The following CACNA1C variants were observed in gnomAD, a reference collection of about 807,000 sequenced individuals.
CACNA1C encodes the protein voltage-dependent L-type calcium channel subunit alpha-1C.
In CACNA1C, 30 loss-of-function variants were observed where a neutral mutation model predicts 229.0. The observed-to-expected ratio is 0.13, with a 90% CI of 0.10 to 0.18. The LOEUF is 0.18. Among genes scored for constraint, CACNA1C ranks in the 10% least tolerant of loss-of-function variants. The probability of loss-of-function intolerance (pLI) is 1.00; values close to 1 mark genes in which losing one functional copy is unlikely to be tolerated. For synonymous variants in CACNA1C, 1,114 were observed against 1,132.5 expected, an observed-to-expected ratio of 0.98 and a Z score of 0.33; for missense variants, 1,658 against 2,845.0, an observed-to-expected ratio of 0.58 and a Z score of 9.49.
intron 3 of CACNA1C, among the ~76,000 whole-genome samples, chr12:2,238,657 A>G (rs1305125289): frequency 6.6e-6 from 1 of 152,248 alleles, no homozygotes; most frequent in African/African-American, 2.4e-5. Flanking sequence ...CTCTGGGAGC[A>G]GAGGGAACCT....
At chr12:2,510,029 G>A (rs1038991859) in intron 8 of CACNA1C, among the ~76,000 whole-genome samples, 8 of 152,134 alleles carry the variant, frequency 5.3e-5, no homozygotes, top group Admixed American at 1.3e-4. Context: ...CACACACACC[G>A]CCCTGTGCAT....
intron 3 of CACNA1C, among the ~76,000 whole-genome samples, chr12:2,205,645 G>C (rs1446407208): frequency 6.6e-6 from 1 of 152,212 alleles, no homozygotes; most frequent in Non-Finnish European, 1.5e-5. Context: ...AACAGTGGCA[G>C]TAGCATCCTC....
In CACNA1C at chr12:2,565,444, G is replaced by A. The variant is rs377179798; in HGVS notation, c.1509-978G>A. ...ATTGCGCCACTGCAGTCCGCAGTCC[G>A]GCCTGGGCGACAGAGCGAGACTCCG... On this transcript the variant is annotated intron_variant, in intron 11 of 46. Transcript: ENST00000399655. Among the ~76,000 whole-genome samples the A allele has an allele frequency of 5.2e-3, 759 of 145,040 alleles. 4 individuals carry two copies. Among genetic ancestry groups the A allele is most frequent in the Middle Eastern group, 7.6e-3 (2 of 262 alleles).
At chr12:2,256,553 G>T (rs2154396991) in intron 3 of CACNA1C, among the ~76,000 whole-genome samples, 1 of 152,254 alleles carries the variant, frequency 6.6e-6, no homozygotes, top group Admixed American at 6.5e-5. Context: ...AGCGTACAGG[G>T]TTCTTGAGTT....
intron 3 of CACNA1C, among the ~76,000 whole-genome samples, chr12:2,429,815 A>G (rs2099065875): frequency 1.3e-5 from 2 of 152,158 alleles, no homozygotes; most frequent in African/African-American, 4.8e-5. Context: ...CACCCATCTT[A>G]GGTGATGAGG....
At chr12:2,682,936 G>C (rs146225747) in intron 43 of CACNA1C, among the ~76,000 whole-genome samples, 37 of 644 alleles carry the variant, frequency 0.057, no homozygotes, top group Admixed American at 0.13. Flanking sequence ...TTTTAGCTTG[G>C]GGTTTCCTCG....
Position 2,605,911 on chromosome 12 carries a change from T to G in CACNA1C, c.3156+125T>G. On this transcript the variant is annotated intron_variant, in intron 24 of 46. Transcript: ENST00000399655. This position sits in a 1 kb window ranked among gnomAD's most constrained non-coding sequence, Gnocchi z 6.2. ...AGCCAGACTTGGCTTGGATATAACCTCCACCTGCAGCCCGACTCAACCTTC... is the reference window on the plus strand; with the variant it reads ...AGCCAGACTTGGCTTGGATATAACCGCCACCTGCAGCCCGACTCAACCTTC... The G allele has an allele frequency of 1.5e-6, 1 of 685,338 alleles. No individual in the cohort carries two copies. Among genetic ancestry groups the G allele is most frequent in the Non-Finnish European group, 2.6e-6 (1 of 383,232 alleles). 42.5% of individuals were successfully genotyped at this position (685,338 alleles called of 1,614,324 possible).
At chr12:2,422,811 A>G (rs2154556529) in intron 3 of CACNA1C, among the ~76,000 whole-genome samples, 1 of 152,218 alleles carries the variant, frequency 6.6e-6, no homozygotes, top group South Asian at 2.1e-4. Context: ...AGCCCTGGCA[A>G]TGGGTTAACT....
chr12:2,544,837 G>C (rs1465132867), intron 9 of CACNA1C, among the ~76,000 whole-genome samples: 1 of 152,194 alleles, frequency 6.6e-6, no homozygotes, highest in African/African-American at 2.4e-5. Flanking sequence ...TGAAGCATTG[G>C]TTGTGCGACA....
chr12:2,688,537 C>G lies in CACNA1C; in HGVS notation c.5875C>G (p.Pro1959Ala), dbSNP rs755941724. The change falls in exon 46 of 47, where the codon CCT becomes GCT. Residue 1959 changes from proline (P) to alanine (A), a missense_variant. Physicochemically the swap from Pro to Ala is conservative, Grantham distance 27. Transcript: ENST00000399655. ...GCCTTTTGCCACCCCACCAGCCACA[C>G]CTGGCAGCCGAGGCTGGCCCCCACA... Reference protein sequence around the residue: ...PRPFATPPATPGSRGWPPQPV... With the variant: ...PRPFATPPATAGSRGWPPQPV... The G allele has an allele frequency of 1.2e-6, 2 of 1,614,020 alleles. No homozygotes were observed. The highest frequency in any genetic ancestry group is 8.5e-7 in the Non-Finnish European group (1 of 1,179,876).
intron 3 of CACNA1C, among the ~76,000 whole-genome samples, chr12:2,162,896 C>A (rs1319814411): frequency 1.3e-5 from 2 of 152,164 alleles, no homozygotes; most frequent in Admixed American, 6.5e-5. Context: ...TGAACGTCTT[C>A]ATTAAAACTA....
intron 1 of CACNA1C, among the ~76,000 whole-genome samples, chr12:2,069,526 G>A (rs1237481091): frequency 6.6e-6 from 1 of 152,190 alleles, no homozygotes; most frequent in East Asian, 1.9e-4. Flanking sequence ...ACAGCATGTG[G>A]TCACAAGATA....
chr12:2,062,678 G>C (rs1175514109), intron 1 of CACNA1C, among the ~76,000 whole-genome samples: 2 of 152,040 alleles, frequency 1.3e-5, no homozygotes, highest in African/African-American at 4.8e-5. Flanking sequence ...TTTCTGCCAG[G>C]GCCCTCCTTG....
At chr12:2,193,470 A>C (rs1330675070) in intron 3 of CACNA1C, among the ~76,000 whole-genome samples, 1 of 152,128 alleles carries the variant, frequency 6.6e-6, no homozygotes, top group African/African-American at 2.4e-5. Flanking sequence ...AAAACAAAAA[A>C]CAAAAAACTT....
rs777687097 is a variant in CACNA1C at position 2,410,971 on chromosome 12, C to CA, written c.478-38004dup. 5.3e-5 allele frequency among the ~76,000 whole-genome samples: 8 copies of CA among 152,114 alleles called. No individual in the cohort carries two copies. The highest frequency in any genetic ancestry group is 1.2e-4 in the Non-Finnish European group (8 of 68,020). On this transcript the variant is annotated intron_variant, in intron 3 of 46. Coordinates refer to ENST00000399655, the MANE Select transcript of CACNA1C (RefSeq NM_000719.7). The surrounding 1 kb of genome is among the most constrained non-coding windows in gnomAD (Gnocchi z 5.3). ...CATCTTTCTCTCCCTACTCCCCTTGCAGCATGAGAGGCCCAGTACCTGTAA... is the reference window on the plus strand; with the variant it reads ...CATCTTTCTCTCCCTACTCCCCTTGCAAGCATGAGAGGCCCAGTACCTGTAA...
chr12:2,039,093 A>T (rs2049645473), intron 1 of CACNA1C, among the ~76,000 whole-genome samples: 1 of 152,236 alleles, frequency 6.6e-6, no homozygotes, highest in Admixed American at 6.5e-5. Context: ...AGGCCAACAG[A>T]CAGCCCTTTG....
intron 30 of CACNA1C, among the ~76,000 whole-genome samples, chr12:2,638,540 C>T (rs2093196885): frequency 6.6e-6 from 1 of 152,234 alleles, no homozygotes; most frequent in Admixed American, 6.5e-5. Context: ...AAAGAGACCA[C>T]TCTGGCTGGC....
At position 2,674,574 on chromosome 12, in the gene CACNA1C, C is replaced by A. The variant is rs751224055; in HGVS notation, c.4760C>A (p.Ala1587Glu). 2.1e-5 allele frequency: 33 copies of A among 1,572,940 alleles called. No homozygotes were observed. The highest frequency in any genetic ancestry group is 2.8e-5 in the Non-Finnish European group (32 of 1,158,658). The change falls in exon 39 of 47, where the codon GCG becomes GAG. Residue 1587 changes from alanine to glutamate, a missense_variant. By Grantham distance (107) the Ala-to-Glu change is moderately radical. Transcript: ENST00000399655. ...NLEQANEELR[A>E]IIKKIWKRTS... ...GAACAAGCCAATGAGGAGCTGCGGG[C>A]GATCATCAAGAAGATCTGGAAGCGG...
Position 2,512,774 on chromosome 12 carries a change from G to C in CACNA1C, c.1218-38G>C. On this transcript the variant is annotated intron_variant, in intron 8 of 46. Coordinates refer to ENST00000399655, the MANE Select transcript of CACNA1C (RefSeq NM_000719.7). This position sits in a 1 kb window ranked among gnomAD's most constrained non-coding sequence, Gnocchi z 4.3. ...CCTTCTCGGTGCTCCCTCCTTCTCT[G>C]TGCTCTCCTGCCCTGCCCCTCCTCT... The C allele has an allele frequency of 6.5e-7, 1 of 1,529,320 alleles. No homozygotes were observed. Among genetic ancestry groups the C allele is most frequent in the Non-Finnish European group, 8.9e-7 (1 of 1,126,430 alleles). The allele number at this position is 1,529,320 out of a possible 1,614,324, so 94.7% of individuals were successfully genotyped here. A position where few individuals can be genotyped will look rare whatever the true frequency, so the allele number is the denominator to read the frequency against.
Sources: gnomAD v4.1 joint callset for allele counts (sites outside exome capture counted in the v4.1 genomes callset) on GRCh38, gnomAD v4.1.1 for gene constraint, Gnocchi (gnomAD v3.1) non-coding constraint, MANE v1.5 for transcripts, NCBI Gene and HGNC (gene_info 2026-07-23, HGNC 2026-07-21) for gene names.